CTHRC1: variants seen among roughly 807,000 people sequenced by gnomAD.
CTHRC1 encodes collagen triple helix repeat-containing protein 1.
In CTHRC1, 21 loss-of-function variants were observed where a neutral mutation model predicts 25.9. That is an observed-to-expected ratio of 0.81 (90% CI 0.57 to 1.17). The LOEUF (loss-of-function observed/expected upper bound fraction) is 1.17. Among genes scored for constraint, CTHRC1 ranks in the 50% most tolerant of loss-of-function variants. CTHRC1 has a pLI of 0.00. For synonymous variants in CTHRC1, 109 were observed against 113.1 expected (o/e 0.96, Z 0.23); for missense variants, 281 against 304.3 (o/e 0.92, Z 0.57).
intron 1 of CTHRC1, among the ~76,000 whole-genome samples, chr8:103,374,347 T>A (rs1367350082): frequency 6.6e-6 from 1 of 152,242 alleles, no homozygotes; most frequent in Non-Finnish European, 1.5e-5. Context: ...TGTTTTTTGT[T>A]TTCATTGGGA....
intron 1 of CTHRC1, among the ~76,000 whole-genome samples, chr8:103,372,212 C>T (rs1815718202): frequency 6.6e-6 from 1 of 152,112 alleles, no homozygotes; most frequent in African/African-American, 2.4e-5. Context: ...ACCCTGGCCT[C>T]GCTGATCACA....
chr8:103,372,981 A>G (rs1437928063), intron 1 of CTHRC1, among the ~76,000 whole-genome samples: 1 of 152,182 alleles, frequency 6.6e-6, no homozygotes, highest in East Asian at 1.9e-4. Context: ...TTCACACAGC[A>G]CTTTTTGGTG....
At chr8:103,372,487 G>A (rs1815725049) in intron 1 of CTHRC1, 1 of 1,595,368 alleles carries the variant, frequency 6.3e-7, no homozygotes, top group Admixed American at 1.7e-5. Context: ...ACCCTCTAAG[G>A]ACCTGTTTTG....
At chr8:103,376,524 TC>T (rs1815810342) in intron 2 of CTHRC1, among the ~76,000 whole-genome samples, 2 of 152,252 alleles carry the variant, frequency 1.3e-5, no homozygotes, top group South Asian at 4.1e-4. Context: ...AAATAGCCTG[TC>T]CGGTCATGTA....
rs577582423 is a variant in CTHRC1, at chr8:103,379,904, C to T, written c.589+1661C>T. Among the ~76,000 whole-genome samples, 14 of 151,422 alleles carry T rather than the reference C, an allele frequency of 9.2e-5. 1 individual carries two copies. The highest frequency in any genetic ancestry group is 1.8e-4 in the Non-Finnish European group (12 of 68,036). ...AACATAAAGAAGAGATTTTAACCCC[C>T]TCTCTTTGCATATTGAGAAACCCAG... On this transcript the variant is annotated intron_variant, in intron 3 of 3. Coordinates refer to ENST00000330295, the MANE Select transcript of CTHRC1 (RefSeq NM_138455.4).
intron 1 of CTHRC1, chr8:103,372,541 T>A: frequency 6.3e-7 from 1 of 1,598,334 alleles, no homozygotes; most frequent in Non-Finnish European, 8.5e-7. Context: ...ACACACACCC[T>A]GGGTCTTCAT....
At chr8:103,372,308 C>G (rs1815722406) in intron 1 of CTHRC1, 2 of 668,458 alleles carry the variant, frequency 3.0e-6, no homozygotes, top group East Asian at 6.7e-5. Context: ...AATAACAACC[C>G]CCACAAAGCA....
intron 3 of CTHRC1, among the ~76,000 whole-genome samples, chr8:103,380,179 A>T (rs1407323166): frequency 2.6e-5 from 4 of 152,240 alleles, no homozygotes; most frequent in African/African-American, 9.6e-5. Context: ...CGTTGATATA[A>T]GCAACTTACA....
chr8:103,372,586 T>C, intron 1 of CTHRC1: 2 of 1,598,308 alleles, frequency 1.3e-6, no homozygotes, highest in South Asian at 2.2e-5. Flanking sequence ...ACAGTCAAGC[T>C]ACGGGAGAAA....
chr8:103,380,391 T>C (rs1390713408), intron 3 of CTHRC1, among the ~76,000 whole-genome samples: 1 of 152,248 alleles, frequency 6.6e-6, no homozygotes, highest in Non-Finnish European at 1.5e-5. Context: ...TTTTGTATTA[T>C]TGTGGATTAA....
chr8:103,372,454 G>A (rs1218791403), intron 1 of CTHRC1: 4 of 1,550,322 alleles, frequency 2.6e-6, no homozygotes, highest in Non-Finnish European at 3.5e-6. Flanking sequence ...GGCCGGAAAG[G>A]GAAATGAAGG....
rs141335365 is a variant in CTHRC1, at chr8:103,378,059, T to C, written c.405T>C (p.Ser135=). ...ECTFTKMRSN[S]ALRVLFSGSL... ...CATTTACAAAGATGCGTTCAAATAGTGCTCTAAGAGTTTTGTTCAGTGGCT... is the reference window on the plus strand; with the variant it reads ...CATTTACAAAGATGCGTTCAAATAGCGCTCTAAGAGTTTTGTTCAGTGGCT... Residue 135 remains serine (S), a synonymous_variant, in exon 3 of 4, where the codon AGT becomes AGC. Coordinates refer to ENST00000330295, the MANE Select transcript of CTHRC1 (RefSeq NM_138455.4). 943 of 1,614,136 alleles carry C rather than the reference T, an allele frequency of 5.8e-4. 7 individuals are homozygous for C. Among genetic ancestry groups the C allele is most frequent in the African/African-American group, 4.2e-3 (315 of 75,064 alleles).
chr8:103,374,816 A>G (rs1815774994), intron 1 of CTHRC1, among the ~76,000 whole-genome samples: 1 of 152,224 alleles, frequency 6.6e-6, no homozygotes, highest in Non-Finnish European at 1.5e-5. Context: ...CTTTATTATT[A>G]TCCACATTTT....
At position 103,382,870 on chromosome 8, in the gene CTHRC1, CTTTTG is replaced by C. The variant is rs1815938769; in HGVS notation, c.*275_*279del. ...CTATAATTTGGAATATTGTTGTGGT[CTTTTG>C]TTTTTTCTCTTAGTATAGCATTTTT... On this transcript the variant is annotated 3_prime_UTR_variant, in exon 4 of 4. Transcript: ENST00000330295. The C allele has an allele frequency of 8.5e-6, 3 of 351,538 alleles. No homozygotes were observed. The highest frequency in any genetic ancestry group is 1.2e-4 in the East Asian group (2 of 16,216). 21.8% of individuals were successfully genotyped at this position (351,538 alleles called of 1,614,324 possible).
intron 2 of CTHRC1, among the ~76,000 whole-genome samples, chr8:103,377,673 G>A (rs1010090950): frequency 2.0e-5 from 3 of 152,032 alleles, no homozygotes; most frequent in Non-Finnish European, 2.9e-5. Context: ...GCACAATTTC[G>A]GCTTACTGCA....
At chr8:103,380,816 G>A (rs1815897419) in intron 3 of CTHRC1, among the ~76,000 whole-genome samples, 1 of 152,170 alleles carries the variant, frequency 6.6e-6, no homozygotes, top group Admixed American at 6.5e-5. Flanking sequence ...AGCATTTGTA[G>A]GCATTTTCAC....
At position 103,378,082 on chromosome 8, in the gene CTHRC1, G is replaced by T. The variant is rs1297902678; in HGVS notation, c.428G>T (p.Gly143Val). 4 of 1,614,054 alleles carry T rather than the reference G, an allele frequency of 2.5e-6. No individual in the cohort carries two copies. The highest frequency in any genetic ancestry group is 2.2e-5 in the East Asian group (1 of 44,888). The change falls in exon 3 of 4, where the codon GGC becomes GTC. Residue 143 changes from glycine (G) to valine (V), a missense_variant. Transcript: ENST00000330295. ...AGTGCTCTAAGAGTTTTGTTCAGTG[G>T]CTCACTTCGGCTAAAATGCAGAAAT... ...SNSALRVLFS[G>V]SLRLKCRNAC...
In CTHRC1 at chr8:103,382,765, C is replaced by A; in HGVS notation, c.*165C>A. On this transcript the variant is annotated 3_prime_UTR_variant, in exon 4 of 4. Transcript: ENST00000330295. ...CACTGTTTTTAAATCTAGCATTATT[C>A]ATTTTGCTTCAATCAAAAGTGGTTT... 4.2e-6 allele frequency: 3 copies of A among 716,576 alleles called. No individual in the cohort carries two copies. Among genetic ancestry groups the A allele is most frequent in the East Asian group, 2.6e-5 (1 of 38,780 alleles). The allele number at this position is 716,576 out of a possible 1,614,324, so 44.4% of individuals were successfully genotyped here. A position where few individuals can be genotyped will look rare whatever the true frequency, so the allele number is the denominator to read the frequency against.
intron 1 of CTHRC1, among the ~76,000 whole-genome samples, chr8:103,375,356 A>G (rs1400914237): frequency 6.6e-6 from 1 of 152,234 alleles, no homozygotes; most frequent in Non-Finnish European, 1.5e-5. Context: ...GTTTGCATAA[A>G]ACTGTAAAAA....
Sources: allele counts gnomAD v4.1 joint callset (sites outside exome capture counted in the v4.1 genomes callset), GRCh38; gene constraint gnomAD v4.1.1; transcripts MANE v1.5; gene names NCBI Gene and HGNC (gene_info 2026-07-23, HGNC 2026-07-21).